GRIA1: variants seen among roughly 807,000 people sequenced by gnomAD.
GRIA1 encodes the protein glutamate ionotropic receptor AMPA type subunit 1.
In GRIA1, 31 loss-of-function variants were observed where a neutral mutation model predicts 99.2. The ratio of observed to expected loss-of-function variants is 0.31; its 90% CI spans 0.23 to 0.42. The LOEUF (loss-of-function observed/expected upper bound fraction) is 0.42. Ranked by LOEUF, GRIA1 falls within the 10% of genes least tolerant of loss-of-function variation. The pLI, the probability that GRIA1 is intolerant of heterozygous loss-of-function variation, is 1.00. For synonymous variants in GRIA1, 438 were observed against 432.4 expected (o/e 1.01, Z -0.16); for missense variants, 782 against 1,157.5 (o/e 0.68, Z 4.71).
intron 2 of GRIA1, among the ~76,000 whole-genome samples, chr5:153,643,517 C>T (rs564473182): frequency 6.6e-6 from 1 of 152,338 alleles, no homozygotes; most frequent in African/African-American, 2.4e-5. Flanking sequence ...TGACTGCCTT[C>T]TCCCACAGGC....
rs1010446566 is a variant in GRIA1 at position 153,652,741 on chromosome 5, T to C, written c.645+2227T>C. On this transcript the variant is annotated intron_variant, in intron 4 of 15. Transcript: ENST00000285900. Reference sequence around the variant, plus strand: ...CAAAGAGTTGAAAGGATTTTACAGATCACTTGATTCTTTGCTTATGCTTAC... The same window carrying C: ...CAAAGAGTTGAAAGGATTTTACAGACCACTTGATTCTTTGCTTATGCTTAC... Among the ~76,000 whole-genome samples, 9 of 152,238 alleles carry C rather than the reference T, an allele frequency of 5.9e-5. 1 individual carries two copies. Among genetic ancestry groups the C allele is most frequent in the Admixed American group, 3.9e-4 (6 of 15,286 alleles).
chr5:153,706,950 A>C (rs1315738531), intron 11 of GRIA1, among the ~76,000 whole-genome samples: 1 of 151,896 alleles, frequency 6.6e-6, no homozygotes, highest in Non-Finnish European at 1.5e-5. Flanking sequence ...AAAAATAATA[A>C]AACAATAATA....
At chr5:153,492,323 G>T in intron 1 of GRIA1, 1 of 1,524,370 alleles carries the variant, frequency 6.6e-7, no homozygotes, top group African/African-American at 1.4e-5. Context: ...ACGTATCTGT[G>T]TGTTAGTGCC....
intron 2 of GRIA1, among the ~76,000 whole-genome samples, chr5:153,578,745 A>AAAAATAC (rs1762791252): frequency 6.6e-6 from 1 of 152,110 alleles, no homozygotes; most frequent in South Asian, 2.1e-4. Context: ...CGTCTTTACT[A>AAAAATAC]AAAATACAAA....
At chr5:153,709,703 G>C (rs1202344353) in intron 11 of GRIA1, among the ~76,000 whole-genome samples, 1 of 151,932 alleles carries the variant, frequency 6.6e-6, no homozygotes, top group African/African-American at 2.4e-5. Flanking sequence ...CAGCATGAAG[G>C]AAAAAAAGTG....
chr5:153,576,931 TGG>T, intron 2 of GRIA1, among the ~76,000 whole-genome samples: 1 of 2,000 alleles, frequency 5.0e-4, no homozygotes, highest in Non-Finnish European at 1.4e-3. Flanking sequence ...AAATATTGGA[TGG>T]ATGGATGGAT....
chr5:153,691,145 T>C (rs1757719031), intron 8 of GRIA1, among the ~76,000 whole-genome samples: 1 of 152,132 alleles, frequency 6.6e-6, no homozygotes, highest in Non-Finnish European at 1.5e-5. Flanking sequence ...CATCATAAAG[T>C]TTAGGGGCTT....
chr5:153,737,229 A>G (rs937235635), intron 11 of GRIA1, among the ~76,000 whole-genome samples: 10 of 149,676 alleles, frequency 6.7e-5, no homozygotes, highest in Non-Finnish European at 1.5e-4. Flanking sequence ...CTTCATAACA[A>G]CCTTTTGAGT....
At chr5:153,570,048 G>GTCTTT (rs1184132528) in intron 2 of GRIA1, among the ~76,000 whole-genome samples, 1 of 152,102 alleles carries the variant, frequency 6.6e-6, no homozygotes, top group Non-Finnish European at 1.5e-5. Context: ...AAACCAGATG[G>GTCTTT]TCTTTTCCTG....
At chr5:153,723,387 G>C (rs1021273197) in intron 11 of GRIA1, among the ~76,000 whole-genome samples, 2 of 152,220 alleles carry the variant, frequency 1.3e-5, no homozygotes, top group Non-Finnish European at 2.9e-5. Context: ...GCCAGACAGT[G>C]GGCGCAGGAC....
chr5:153,698,584 C>G (rs1487746186), intron 9 of GRIA1, among the ~76,000 whole-genome samples: 1 of 108,416 alleles, frequency 9.2e-6, no homozygotes, highest in East Asian at 4.1e-4. Flanking sequence ...TCAAGATGAC[C>G]CCAGAGGTAT....
intron 2 of GRIA1, among the ~76,000 whole-genome samples, chr5:153,546,036 A>G (rs1759586116): frequency 6.6e-6 from 1 of 152,238 alleles, no homozygotes; most frequent in East Asian, 1.9e-4. Flanking sequence ...GGTCCAAAGA[A>G]TATAATTACT....
intron 2 of GRIA1, among the ~76,000 whole-genome samples, chr5:153,549,664 T>C (rs980392059): frequency 6.6e-6 from 1 of 152,098 alleles, no homozygotes; most frequent in Non-Finnish European, 1.5e-5. Flanking sequence ...CGATTTCCCC[T>C]CCCTTTTCAA....
intron 7 of GRIA1, among the ~76,000 whole-genome samples, chr5:153,681,898 G>A (rs192371524): frequency 2.0e-5 from 3 of 152,256 alleles, no homozygotes; most frequent in East Asian, 3.9e-4. Context: ...AGCGGGATGT[G>A]TAGCAGGCAC....
intron 5 of GRIA1, among the ~76,000 whole-genome samples, chr5:153,666,800 G>C (rs1405722153): frequency 6.6e-6 from 1 of 152,160 alleles, no homozygotes; most frequent in African/African-American, 2.4e-5. Context: ...ATACGTGTTA[G>C]GTACTTGTAA....
intron 8 of GRIA1, 26 bp downstream of exon 8, chr5:153,686,355 T>A (rs1353794068): frequency 6.4e-7 from 1 of 1,553,520 alleles, no homozygotes; most frequent in South Asian, 1.1e-5. Flanking sequence ...ACTTCTGTTC[T>A]GCAGAGAGAA....
At position 153,578,533 on chromosome 5, in the gene GRIA1, A is replaced by G. The variant is rs1221689487; in HGVS notation, c.221-68395A>G. On this transcript the variant is annotated intron_variant, in intron 2 of 15. Transcript: ENST00000285900. ...CAGTGCTTGACAGGCCATGAAAAGAAGAGTGACTTTTATTTTAAGTGCATG... is the reference window on the plus strand; with the variant it reads ...CAGTGCTTGACAGGCCATGAAAAGAGGAGTGACTTTTATTTTAAGTGCATG... Among the ~76,000 whole-genome samples the G allele has an allele frequency of 2.6e-5, 4 of 152,216 alleles. No individual in the cohort carries two copies. The East Asian group carries it at 7.7e-4, about 29-fold the overall frequency.
intron 2 of GRIA1, among the ~76,000 whole-genome samples, chr5:153,600,697 G>A (rs1482236297): frequency 6.6e-6 from 1 of 152,156 alleles, no homozygotes; most frequent in Admixed American, 6.5e-5. Context: ...GGGAAACTGG[G>A]AGAAGAAGCA....
At chr5:153,670,862 G>A (rs1756116200) in intron 5 of GRIA1, among the ~76,000 whole-genome samples, 1 of 152,068 alleles carries the variant, frequency 6.6e-6, no homozygotes, top group African/African-American at 2.4e-5. Context: ...TTGAATTATG[G>A]AGAAATTTAG....
Sources: gnomAD v4.1 joint callset for allele counts (sites outside exome capture counted in the v4.1 genomes callset) on GRCh38, gnomAD v4.1.1 for gene constraint, MANE v1.5 for transcripts, NCBI Gene and HGNC (gene_info 2026-07-23, HGNC 2026-07-21) for gene names.